Variants in SULF1 observed in about 807,000 individuals in gnomAD.
The protein encoded by SULF1 is sulfatase 1.
Under a neutral mutation model 110.5 loss-of-function variants are expected in SULF1, and 46 were observed. The observed-to-expected ratio is 0.42, with a 90% CI of 0.33 to 0.53. The LOEUF (loss-of-function observed/expected upper bound fraction) is 0.53. Among genes scored for constraint, SULF1 ranks in the 20% least tolerant of loss-of-function variants. The pLI is 0.12. For missense variants in SULF1, 941 were observed against 1,094.2 expected, an observed-to-expected ratio of 0.86 and a Z score of 1.98; for synonymous variants, 371 against 387.1, an observed-to-expected ratio of 0.96 and a Z score of 0.49.
chr8:69,565,536 T>A (rs1290879804), intron 5 of SULF1, among the ~76,000 whole-genome samples: 1 of 152,096 alleles, frequency 6.6e-6, no homozygotes, highest in Non-Finnish European at 1.5e-5. Context: ...CACCCATCCA[T>A]CGCTTTTGCT....
rs766275531 is a variant in SULF1, at chr8:69,603,579, ATAT to A, written c.1191-17_1191-15del. 6.2e-7 allele frequency: 1 copy of A among 1,605,316 alleles called. No individual in the cohort carries two copies. On this transcript the variant is annotated intron_variant, in intron 11 of 22. Transcript: ENST00000402687. ...AAAAACGTCCAGATGCCAAAAGTAA[ATAT>A]TATCATTTTGCTTTCAGGTTTCGAA... is the stretch of plus-strand genomic sequence containing the variant.
chr8:69,506,668 T>C (rs925221352), intron 3 of SULF1, among the ~76,000 whole-genome samples: 1 of 152,176 alleles, frequency 6.6e-6, no homozygotes, highest in African/African-American at 2.4e-5. Flanking sequence ...TGCCTGATAA[T>C]GGTGAGGAAG....
At chr8:69,523,744 G>A (rs1236374414) in intron 3 of SULF1, among the ~76,000 whole-genome samples, 2 of 152,172 alleles carry the variant, frequency 1.3e-5, no homozygotes, top group East Asian at 3.9e-4. Context: ...GGAGTGGGAG[G>A]ATCAAGGATT....
At chr8:69,586,535 A>G (rs1806475518) in intron 7 of SULF1, 27 bp downstream of exon 7, 1 of 1,598,948 alleles carries the variant, frequency 6.3e-7, no homozygotes, top group East Asian at 2.2e-5. Flanking sequence ...TTTACACTGC[A>G]TCAATTTACT....
chr8:69,597,418 C>A (rs1382248846), intron 8 of SULF1: 1 of 152,250 alleles, frequency 6.6e-6, no homozygotes, highest in Non-Finnish European at 1.5e-5. Flanking sequence ...CCACCTGGGA[C>A]CTCATCCCCA....
At chr8:69,566,966 G>A (rs1052804612) in intron 5 of SULF1, among the ~76,000 whole-genome samples, 3 of 152,224 alleles carry the variant, frequency 2.0e-5, no homozygotes, top group Non-Finnish European at 4.4e-5. Flanking sequence ...TGTAGCTTGT[G>A]GTGAGCAAGT....
At chr8:69,468,233 A>T (rs1365958264) in intron 1 of SULF1, among the ~76,000 whole-genome samples, 1 of 152,180 alleles carries the variant, frequency 6.6e-6, no homozygotes, top group Non-Finnish European at 1.5e-5. Flanking sequence ...AGATTCTATG[A>T]ATAATATTGT....
intron 22 of SULF1, among the ~76,000 whole-genome samples, chr8:69,656,324 T>C (rs1417337054): frequency 6.6e-6 from 1 of 152,210 alleles, no homozygotes; most frequent in East Asian, 1.9e-4. Context: ...GTTTATTTTA[T>C]TTTTTTAAGT....
At chr8:69,588,352 T>A (rs1171873444) in intron 7 of SULF1, among the ~76,000 whole-genome samples, 1 of 152,222 alleles carries the variant, frequency 6.6e-6, no homozygotes, top group Non-Finnish European at 1.5e-5. Flanking sequence ...GTGTTTCAAG[T>A]AAATTAACTG....
chr8:69,657,397 C>G lies in SULF1; in HGVS notation c.2586-1108C>G, dbSNP rs529558325. Reference sequence around the variant, plus strand: ...TGCTGCCTTCAATCGTGCACAGGCACAAGGCTGGGACTTAGGGGTCCCATC... The same window carrying G: ...TGCTGCCTTCAATCGTGCACAGGCAGAAGGCTGGGACTTAGGGGTCCCATC... On this transcript the variant is annotated intron_variant, in intron 22 of 22. Coordinates refer to ENST00000402687, the MANE Select transcript of SULF1 (RefSeq NM_001128205.2). 2.6e-4 allele frequency among the ~76,000 whole-genome samples: 39 copies of G among 152,344 alleles called. No individual in the cohort carries two copies. In the South Asian group the frequency reaches 7.2e-3, roughly 28 times the overall value.
Position 69,624,015 on chromosome 8 carries a change from C to T in SULF1, c.1668C>T (p.Asp556=). The change falls in exon 15 of 23, where the codon GAC becomes GAT. Residue 556 remains aspartate, a synonymous_variant. Transcript: ENST00000402687. ...TCGAATTTGAAGGTGAAATATATGA[C>T]ATAAATCTGGAAGAAGAAGAAGAAT... ...LSVEFEGEIY[D]INLEEEEELQ... is the part of the protein sequence containing the mutation. 1 of 1,614,134 alleles carries T rather than the reference C, an allele frequency of 6.2e-7. No individual in the cohort carries two copies. The highest frequency in any genetic ancestry group is 8.5e-7 in the Non-Finnish European group (1 of 1,180,024).
intron 22 of SULF1, among the ~76,000 whole-genome samples, chr8:69,650,108 A>G (rs1314126098): frequency 6.9e-6 from 1 of 144,174 alleles, no homozygotes; most frequent in Non-Finnish European, 1.5e-5. Context: ...GGATCCTGCC[A>G]CCTCAGCCTC....
intron 19 of SULF1, among the ~76,000 whole-genome samples, chr8:69,631,592 T>C (rs1016341879): frequency 2.6e-5 from 4 of 152,188 alleles, no homozygotes; most frequent in Admixed American, 6.5e-5. Context: ...CCTTAACATA[T>C]CCAACAAAAC....
chr8:69,517,006 T>A (rs1586280679), intron 3 of SULF1, among the ~76,000 whole-genome samples: 1 of 152,174 alleles, frequency 6.6e-6, no homozygotes, highest in East Asian at 1.9e-4. Flanking sequence ...TCTTAGTCCA[T>A]TTTCTGCTTC....
Position 69,576,109 on chromosome 8 carries a change from T to A in SULF1, c.312T>A (p.Asn104Lys). Residue 104 changes from asparagine (N) to lysine (K), a missense_variant, in exon 6 of 23, where the codon AAT becomes AAA. By Grantham distance (94) the Asn-to-Lys change is moderately conservative (BLOSUM62 0). This residue lies in a region of SULF1 where 822 missense variants were observed against 934.3 expected (regional missense o/e 0.88). Coordinates refer to ENST00000402687, the MANE Select transcript of SULF1 (RefSeq NM_001128205.2). ...CCGGGAAGTATGTGCACAATCACAA[T>A]GTCTACACCAACAACGAGAACTGCT... ...MLTGKYVHNH[N>K]VYTNNENCSS... 1 of 1,614,198 alleles carries A rather than the reference T, an allele frequency of 6.2e-7. No individual in the cohort carries two copies. The highest frequency in any genetic ancestry group is 1.1e-5 in the South Asian group (1 of 91,088).
chr8:69,524,600 G>T (rs1019583579), intron 3 of SULF1, among the ~76,000 whole-genome samples: 4 of 152,046 alleles, frequency 2.6e-5, no homozygotes, highest in African/African-American at 9.7e-5. Context: ...TTCAACATGA[G>T]ACTTGGAGGG....
At position 69,629,560 on chromosome 8, in the gene SULF1, G is replaced by A. The variant is rs373878204; in HGVS notation, c.2165G>A (p.Arg722Lys). 5.0e-6 allele frequency: 8 copies of A among 1,613,946 alleles called. No individual in the cohort carries two copies. The highest frequency in any genetic ancestry group is 6.8e-6 in the Non-Finnish European group (8 of 1,179,968). ...CAACTTTTCAAGGAGAACAACCGTA[G>A]GAGGAAGAAGGAGAGGAAGGAGAAG... is the stretch of plus-strand genomic sequence containing the variant. ...KLQLFKENNR[R>K]RKKERKEKRR... Residue 722 changes from arginine to lysine, a missense_variant, in exon 19 of 23, where the codon AGG becomes AAG. Transcript: ENST00000402687.
intron 8 of SULF1, among the ~76,000 whole-genome samples, chr8:69,594,092 C>A (rs985849219): frequency 1.3e-5 from 2 of 151,776 alleles, no homozygotes; most frequent in African/African-American, 4.8e-5. Context: ...ACTCTTGTTG[C>A]CCAGGCTGGA....
chr8:69,595,899 T>A (rs1018125775), intron 8 of SULF1, among the ~76,000 whole-genome samples: 1 of 152,242 alleles, frequency 6.6e-6, no homozygotes, highest in Non-Finnish European at 1.5e-5. Context: ...CTTTCTTTGC[T>A]AGTAAGAATT....
Sources: allele counts gnomAD v4.1 joint callset (sites outside exome capture counted in the v4.1 genomes callset), GRCh38; gene constraint gnomAD v4.1.1; regional missense constraint gnomAD v4.1.1; transcripts MANE v1.5; gene names NCBI Gene and HGNC (gene_info 2026-07-23, HGNC 2026-07-21).